Variants in ABCB7 observed in about 807,000 individuals in gnomAD.
ABCB7 encodes the protein ATP binding cassette subfamily B member 7.
A neutral mutation model predicts 54.4 loss-of-function variants in ABCB7; 7 were observed. The observed-to-expected ratio is 0.13, with a 90% CI of 0.07 to 0.24. The LOEUF is 0.24. Ranked by LOEUF, ABCB7 falls within the 10% of genes least tolerant of loss-of-function variation. The pLI, the probability that ABCB7 is intolerant of heterozygous loss-of-function variation, is 1.00. For synonymous variants in ABCB7, 218 were observed against 207.1 expected (o/e 1.05, Z -0.45); for missense variants, 356 against 570.4 (o/e 0.62, Z 3.83).
At chrX:75,124,778 T>C (rs2081910543) in intron 1 of ABCB7, among the ~76,000 whole-genome samples, 1 of 111,957 alleles carries the variant, frequency 8.9e-6, no homozygotes, top group Non-Finnish European at 1.9e-5. Flanking sequence ...GTACTTCTAA[T>C]ATTCCTAACC....
At chrX:75,089,380 T>C (rs1450065478) in intron 4 of ABCB7, among the ~76,000 whole-genome samples, 5 of 111,189 alleles carry the variant, frequency 4.5e-5, no homozygotes, top group African/African-American at 1.6e-4. Flanking sequence ...AGCTTATAAA[T>C]AGGTGAAATG....
At chrX:75,117,409 G>C (rs758345710) in intron 1 of ABCB7, among the ~76,000 whole-genome samples, 6 of 110,812 alleles carry the variant, frequency 5.4e-5, no homozygotes, top group African/African-American at 2.0e-4. Context: ...CGCAGGTAAA[G>C]AATGGGATTG....
At chrX:75,099,968 T>C (rs1432505894) in intron 3 of ABCB7, among the ~76,000 whole-genome samples, 1 of 110,965 alleles carries the variant, frequency 9.0e-6, no homozygotes, top group African/African-American at 3.3e-5. Context: ...TAATACACTG[T>C]TGATGGAGAA....
intron 12 of ABCB7, among the ~76,000 whole-genome samples, chrX:75,065,712 T>C (rs778100005): frequency 8.9e-6 from 1 of 112,033 alleles, no homozygotes; most frequent in Non-Finnish European, 1.9e-5. Flanking sequence ...AATAAAACAT[T>C]ATGTATATGA....
chrX:75,071,056 G>A (rs1279494426), intron 9 of ABCB7, among the ~76,000 whole-genome samples: 1 of 109,624 alleles, frequency 9.1e-6, no homozygotes, highest in Non-Finnish European at 1.9e-5. Flanking sequence ...GTGGGGGTGG[G>A]GAGGGTTTCC....
chrX:75,075,485 T>C lies in ABCB7; in HGVS notation c.732A>G (p.Arg244=), dbSNP rs1351363674. ...HNLDLGFHLS[R]QTGALSKAID... is the part of the protein sequence containing the mutation. ...TAGCCTTAGATAAAGCTCCCGTCTG[T>C]CTGCTCAGGTGAAAACCCAGATCCA... is the stretch of plus-strand genomic sequence containing the variant. The change falls in exon 6 of 16, where the codon AGA becomes AGG. Residue 244 remains arginine, a synonymous_variant. Coordinates refer to ENST00000373394, the MANE Select transcript of ABCB7 (RefSeq NM_001271696.3). 2 of 1,209,823 alleles carry C rather than the reference T, an allele frequency of 1.7e-6. No homozygotes were observed. Among genetic ancestry groups the C allele is most frequent in the African/African-American group, 3.5e-5 (2 of 57,148 alleles).
chrX:75,127,585 A>G (rs781051190), intron 1 of ABCB7, among the ~76,000 whole-genome samples: 38 of 111,628 alleles, frequency 3.4e-4, no homozygotes, highest in Non-Finnish European at 6.4e-4. Flanking sequence ...GAAAGAAACA[A>G]AGGGTATTCA....
chrX:75,086,274 A>G (rs1291922938), intron 4 of ABCB7, among the ~76,000 whole-genome samples: 1 of 112,194 alleles, frequency 8.9e-6, no homozygotes, highest in Non-Finnish European at 1.9e-5. Context: ...AATTTTTAGC[A>G]CAAAACTGTA....
intron 1 of ABCB7, among the ~76,000 whole-genome samples, chrX:75,155,886 C>T (rs2082171360): frequency 9.0e-6 from 1 of 111,182 alleles, no homozygotes; most frequent in African/African-American, 3.3e-5. Flanking sequence ...GTGTCCTCTG[C>T]CCAGAACCTC....
chrX:75,088,200 C>T (rs2081514891), intron 4 of ABCB7, among the ~76,000 whole-genome samples: 1 of 112,241 alleles, frequency 8.9e-6, no homozygotes, highest in Non-Finnish European at 1.9e-5. Flanking sequence ...AGACAGCCAA[C>T]TCCTAGCCAG....
intron 6 of ABCB7, among the ~76,000 whole-genome samples, chrX:75,074,571 C>T (rs1246788147): frequency 8.9e-6 from 1 of 111,982 alleles, no homozygotes; most frequent in Non-Finnish European, 1.9e-5. Context: ...CATTGCAGCA[C>T]TATTCACAAT....
chrX:75,055,299 A>C (rs757117121), intron 15 of ABCB7, among the ~76,000 whole-genome samples: 2 of 110,200 alleles, frequency 1.8e-5, no homozygotes, highest in East Asian at 5.7e-4. Context: ...ACACAATCTG[A>C]GAATGAGCTG....
At chrX:75,082,837 C>T (rs749510538) in intron 4 of ABCB7, among the ~76,000 whole-genome samples, 29 of 111,032 alleles carry the variant, frequency 2.6e-4, no homozygotes, top group Admixed American at 1.2e-3. Flanking sequence ...TAAACTAAAA[C>T]ACATAGTAGA....
At chrX:75,071,769 T>G (rs1316217857) in intron 8 of ABCB7, 86 bp from the exon 9 acceptor site, 26 of 663,928 alleles carry the variant, frequency 3.9e-5, no homozygotes, top group Non-Finnish European at 5.7e-5. Context: ...TCAGACTTCA[T>G]GTATGAATAC....
intron 10 of ABCB7, 46 bp from the exon 11 acceptor site, chrX:75,069,500 G>A (rs2081346578): frequency 1.8e-6 from 2 of 1,137,486 alleles, no homozygotes; most frequent in Non-Finnish European, 2.4e-6. Context: ...ACTGCCTAGA[G>A]TACAGCTACG....
At chrX:75,070,642 T>C (rs751699869) in intron 9 of ABCB7, 120 bp from the exon 10 acceptor site, 7 of 709,026 alleles carry the variant, frequency 9.9e-6, no homozygotes, top group African/African-American at 6.4e-5. Context: ...ACAACTCTTA[T>C]GTCAACTCAA....
chrX:75,154,525 G>A (rs2082158640), intron 1 of ABCB7, among the ~76,000 whole-genome samples: 1 of 111,740 alleles, frequency 8.9e-6, no homozygotes, highest in Non-Finnish European at 1.9e-5. Flanking sequence ...ATCTAGATTC[G>A]CTTCGTTAGC....
intron 1 of ABCB7, among the ~76,000 whole-genome samples, chrX:75,145,965 T>C (rs1382379039): frequency 4.5e-5 from 5 of 110,182 alleles, no homozygotes; most frequent in Non-Finnish European, 9.5e-5. Flanking sequence ...AAAATTAAAA[T>C]AAAAAGATAA....
intron 1 of ABCB7, among the ~76,000 whole-genome samples, chrX:75,137,829 C>T (rs2082021629): frequency 9.0e-6 from 1 of 111,500 alleles, no homozygotes; most frequent in Non-Finnish European, 1.9e-5. Flanking sequence ...ATTGAGTACA[C>T]ATGGACACTC....
Sources: gnomAD v4.1 joint callset for allele counts (sites outside exome capture counted in the v4.1 genomes callset) on GRCh38, gnomAD v4.1.1 for gene constraint, MANE v1.5 for transcripts, NCBI Gene and HGNC (gene_info 2026-07-23, HGNC 2026-07-21) for gene names.